The following VEZT variants were observed in gnomAD, a reference collection of about 807,000 sequenced individuals.
The protein encoded by VEZT is vezatin, adherens junctions transmembrane protein.
VEZT carries 39 observed loss-of-function variants against 79.9 expected under a neutral mutation model. The observed-to-expected ratio is 0.49, with a 90% CI of 0.38 to 0.64. The LOEUF (loss-of-function observed/expected upper bound fraction) is 0.64, where lower values mean the gene tolerates loss of function less well. VEZT is among the 30% of genes least tolerant of loss of function. VEZT has a pLI of 0.00. For synonymous variants in VEZT, 325 were observed against 327.6 expected (o/e 0.99, Z 0.09); for missense variants, 837 against 893.1 (o/e 0.94, Z 0.80).
intron 1 of VEZT, among the ~76,000 whole-genome samples, chr12:95,230,563 A>G (rs1404517868): frequency 7.3e-6 from 1 of 137,536 alleles, no homozygotes; most frequent in Non-Finnish European, 1.5e-5. Context: ...CATTGTGTCC[A>G]GTTATCTCTC....
chr12:95,294,086 CTT>C (rs2073611154), intron 9 of VEZT, 184 bp from the exon 10 acceptor site: 2 of 499,908 alleles, frequency 4.0e-6, no homozygotes, highest in Non-Finnish European at 3.6e-6. Context: ...GCGACAGAGT[CTT>C]TGTTTCCAGG....
chr12:95,244,921 C>A (rs947445411), intron 1 of VEZT, among the ~76,000 whole-genome samples: 3 of 152,116 alleles, frequency 2.0e-5, no homozygotes, highest in Middle Eastern at 6.8e-3. Flanking sequence ...TGGTTTAGCA[C>A]AAAATTCTGT....
At chr12:95,278,984 C>T (rs1394703996) in intron 7 of VEZT, among the ~76,000 whole-genome samples, 2 of 152,182 alleles carry the variant, frequency 1.3e-5, no homozygotes, top group Non-Finnish European at 1.5e-5. Context: ...GCAGGAGAAT[C>T]GCTTGAACCC....
chr12:95,265,435 T>G (rs1315049382), intron 4 of VEZT, among the ~76,000 whole-genome samples: 1 of 149,578 alleles, frequency 6.7e-6, no homozygotes, highest in East Asian at 1.9e-4. Flanking sequence ...GTGTACATAT[T>G]CTTGATCTAG....
At chr12:95,238,862 C>G (rs1183028575) in intron 1 of VEZT, among the ~76,000 whole-genome samples, 1 of 151,990 alleles carries the variant, frequency 6.6e-6, no homozygotes, top group Non-Finnish European at 1.5e-5. Context: ...TCCCAGTTAT[C>G]CAACAATAAG....
intron 1 of VEZT, among the ~76,000 whole-genome samples, chr12:95,225,326 G>A (rs962765257): frequency 6.6e-6 from 1 of 152,070 alleles, no homozygotes. Context: ...AGTCCGAGGC[G>A]GGCGGATCAC....
rs1398019094 is a variant in VEZT, at chr12:95,240,045, G to A, written c.37-11895G>A. Among the ~76,000 whole-genome samples, 523 of 119,434 alleles carry A rather than the reference G, an allele frequency of 4.4e-3. 5 individuals carry two copies. The highest frequency in any genetic ancestry group is 6.0e-3 in the Non-Finnish European group (311 of 52,048). The allele number at this position is 119,434 out of a possible 152,430, so 78.4% of individuals were successfully genotyped here. A position where few individuals can be genotyped will look rare whatever the true frequency, so the allele number is the denominator to read the frequency against. Reference sequence around the variant, plus strand: ...GAAAGGAAGGAAGGAAGGAAGGAAGGAAGGAAGGAAGGAAGGAAGGAAGGA... The same window carrying A: ...GAAAGGAAGGAAGGAAGGAAGGAAGAAAGGAAGGAAGGAAGGAAGGAAGGA... On this transcript the variant is annotated intron_variant, in intron 1 of 11. Transcript: ENST00000436874.
At chr12:95,274,252 G>T (rs1382854277) in intron 6 of VEZT, among the ~76,000 whole-genome samples, 2 of 152,120 alleles carry the variant, frequency 1.3e-5, no homozygotes, top group Non-Finnish European at 2.9e-5. Flanking sequence ...ATCACTTGAG[G>T]CCAGGAGTTC....
intron 1 of VEZT, among the ~76,000 whole-genome samples, chr12:95,240,216 A>C (rs555621494): frequency 9.2e-5 from 14 of 152,210 alleles, no homozygotes; most frequent in Non-Finnish European, 2.1e-4. Context: ...AATATCCAAA[A>C]GAAACCATTC....
At position 95,300,222 on chromosome 12, in the gene VEZT, C is replaced by T. The variant is rs754481169; in HGVS notation, c.1889C>T (p.Pro630Leu). 1 of 1,562,234 alleles carries T rather than the reference C, an allele frequency of 6.4e-7. No homozygotes were observed. The part of the protein sequence containing the change: ...DPVEPISNSE[P>L]SMNSDMGKVS... The stretch of plus-strand genomic sequence containing the variant: ...GTGGAACCCATAAGTAATTCAGAAC[C>T]ATCAATGAATTCAGATATGGGAAAA... Residue 630 changes from proline to leucine, a missense_variant, in exon 12 of 12, where the codon CCA (proline) becomes CTA (leucine). By Grantham distance (98) the Pro-to-Leu change is moderately conservative. Transcript: ENST00000436874.
At chr12:95,225,678 G>GTGTTATCA (rs1453414649) in intron 1 of VEZT, among the ~76,000 whole-genome samples, 1 of 146,124 alleles carries the variant, frequency 6.8e-6, no homozygotes, top group East Asian at 2.1e-4. Flanking sequence ...TACCACACCT[G>GTGTTATCA]CAGCTGTGTT....
intron 7 of VEZT, among the ~76,000 whole-genome samples, chr12:95,280,671 C>G (rs868277094): frequency 1.3e-5 from 2 of 152,126 alleles, no homozygotes; most frequent in Non-Finnish European, 2.9e-5. Context: ...AAATTATTAT[C>G]TGTGCCCCTC....
intron 8 of VEZT, chr12:95,286,510 G>C (rs2070927060): frequency 5.5e-6 from 3 of 550,142 alleles, no homozygotes; most frequent in Non-Finnish European, 1.1e-5. Context: ...AATTCCTCTT[G>C]GTTTGTCAAC....
intron 8 of VEZT, among the ~76,000 whole-genome samples, chr12:95,283,516 G>C (rs1236878207): frequency 6.6e-6 from 1 of 152,212 alleles, no homozygotes; most frequent in African/African-American, 2.4e-5. Flanking sequence ...GTGGAATGGG[G>C]AAGGCAGTAT....
At chr12:95,255,296 C>T (rs1415392274) in intron 2 of VEZT, among the ~76,000 whole-genome samples, 3 of 152,178 alleles carry the variant, frequency 2.0e-5, no homozygotes, top group Non-Finnish European at 4.4e-5. Flanking sequence ...TTTCCAATCG[C>T]GCTGACATAG....
At chr12:95,274,517 G>C (rs183041616) in intron 6 of VEZT, among the ~76,000 whole-genome samples, 35 of 152,156 alleles carry the variant, frequency 2.3e-4, no homozygotes, top group African/African-American at 7.5e-4. Context: ...GACTTGAACT[G>C]TTAATTTTTT....
chr12:95,282,515 G>C lies in VEZT; in HGVS notation c.1199G>C (p.Arg400Pro). 6.2e-7 allele frequency: 1 copy of C among 1,613,892 alleles called. No individual in the cohort carries two copies. Among genetic ancestry groups the C allele is most frequent in the Non-Finnish European group, 8.5e-7 (1 of 1,179,866 alleles). ...EELKRSYEFY[R>P]YFETQHQSVP... is the part of the protein sequence containing the mutation. ...CTTAAGCGCAGCTATGAGTTCTATC[G>C]GTACTTTGAAACTCAGCACCAGTCA... The change falls in exon 8 of 12, where the codon CGG becomes CCG. Residue 400 changes from arginine to proline, a missense_variant. Physicochemically the swap from Arg to Pro is moderately radical, Grantham distance 103 (BLOSUM62 -2). Coordinates refer to ENST00000436874, the MANE Select transcript of VEZT (RefSeq NM_017599.4).
chr12:95,243,985 C>A, intron 1 of VEZT: 1 of 456,066 alleles, frequency 2.2e-6, no homozygotes, highest in Non-Finnish European at 4.4e-6. Context: ...TCTTGAACTT[C>A]CCAGCCTGCA....
intron 9 of VEZT, among the ~76,000 whole-genome samples, chr12:95,290,141 A>T (rs2072340831): frequency 6.6e-6 from 1 of 152,182 alleles, no homozygotes; most frequent in Admixed American, 6.5e-5. Flanking sequence ...CTAGACCTAG[A>T]TTGTGCATGG....
Sources: gnomAD v4.1 joint callset for allele counts (sites outside exome capture counted in the v4.1 genomes callset) on GRCh38, gnomAD v4.1.1 for gene constraint, MANE v1.5 for transcripts, NCBI Gene and HGNC (gene_info 2026-07-23, HGNC 2026-07-21) for gene names.